SCML4: variants seen among roughly 807,000 people sequenced by gnomAD.
The protein encoded by SCML4 is sex comb on midleg-like protein 4.
In SCML4, 34 loss-of-function variants were observed where a neutral mutation model predicts 41.1. That is an observed-to-expected ratio of 0.83 (90% CI 0.63 to 1.10). SCML4 has a LOEUF of 1.10. Ranked by LOEUF, SCML4 falls within the 50% of genes least tolerant of loss-of-function variation. The probability of loss-of-function intolerance (pLI) is 0.00; values close to 1 mark genes in which losing one functional copy is unlikely to be tolerated. For synonymous variants in SCML4, 214 were observed against 220.9 expected (o/e 0.97, Z 0.28); for missense variants, 522 against 534.1 (o/e 0.98, Z 0.22).
At chr6:107,801,574 T>A (rs897844191) in intron 1 of SCML4, among the ~76,000 whole-genome samples, 7 of 152,192 alleles carry the variant, frequency 4.6e-5, no homozygotes, top group Non-Finnish European at 7.3e-5. Context: ...TTTTAATTTC[T>A]CCAGGTTTTT....
At chr6:107,723,008 C>A (rs544260078) in intron 5 of SCML4, among the ~76,000 whole-genome samples, 83 of 151,518 alleles carry the variant, frequency 5.5e-4, no homozygotes, top group Middle Eastern at 6.8e-3. Context: ...AAAGAACCAA[C>A]AAAATTGCAA....
intron 1 of SCML4, among the ~76,000 whole-genome samples, chr6:107,780,984 C>T (rs1011394581): frequency 1.3e-5 from 2 of 151,384 alleles, no homozygotes; most frequent in Non-Finnish European, 2.9e-5. Context: ...ATTCAAAAGA[C>T]TTAAATAAGG....
intron 1 of SCML4, 30 bp from the exon 2 acceptor site, chr6:107,772,416 C>A: frequency 7.9e-7 from 1 of 1,271,728 alleles, no homozygotes; most frequent in Non-Finnish European, 1.1e-6. Flanking sequence ...CAAAGCAAAA[C>A]AAAAACAGAA....
intron 5 of SCML4, among the ~76,000 whole-genome samples, chr6:107,739,813 T>C (rs1191837534): frequency 6.6e-6 from 1 of 152,190 alleles, no homozygotes; most frequent in African/African-American, 2.4e-5. Context: ...TGTCTTACTC[T>C]AAAGGCAAAC....
At chr6:107,750,155 T>G (rs1247444524) in intron 2 of SCML4, among the ~76,000 whole-genome samples, 1 of 152,216 alleles carries the variant, frequency 6.6e-6, no homozygotes, top group African/African-American at 2.4e-5. Context: ...CTGCAGCCCA[T>G]GTGTTCCCTA....
At chr6:107,747,545 A>C (rs2114500627) in intron 3 of SCML4, among the ~76,000 whole-genome samples, 1 of 151,292 alleles carries the variant, frequency 6.6e-6, no homozygotes, top group Admixed American at 6.6e-5. Flanking sequence ...TAACTGTATT[A>C]ATGTATTGGG....
chr6:107,740,909 C>A (rs1464320010), intron 5 of SCML4, among the ~76,000 whole-genome samples: 2 of 152,172 alleles, frequency 1.3e-5, no homozygotes, highest in South Asian at 2.1e-4. Context: ...CTCCTCCTTC[C>A]CCCATCCACT....
At chr6:107,796,283 C>A (rs1318105320) in intron 1 of SCML4, among the ~76,000 whole-genome samples, 1 of 152,098 alleles carries the variant, frequency 6.6e-6, no homozygotes, top group Non-Finnish European at 1.5e-5. Context: ...TCACTCCCAG[C>A]AATGTAAGAG....
intron 1 of SCML4, among the ~76,000 whole-genome samples, chr6:107,788,181 A>G (rs561171741): frequency 4.6e-5 from 7 of 152,336 alleles, no homozygotes; most frequent in Admixed American, 1.3e-4. Flanking sequence ...TGCTTCCCCA[A>G]TAGACAAGGA....
chr6:107,702,772 G>A lies in SCML4; in HGVS notation c.*2428C>T, dbSNP rs1257292083. 6.6e-6 allele frequency among the ~76,000 whole-genome samples: 1 copy of A among 152,170 alleles called. No individual in the cohort carries two copies. The highest frequency in any genetic ancestry group is 1.5e-5 in the Non-Finnish European group (1 of 68,034). ...GCCTGATTCAAGGTACTTTTCTCAG[G>A]TGCTGAACCTGTCAGAGGCATTTGA... On this transcript the variant is annotated 3_prime_UTR_variant, in exon 8 of 8. Transcript: ENST00000369020.
intron 6 of SCML4, among the ~76,000 whole-genome samples, chr6:107,715,435 T>A (rs1004190121): frequency 1.3e-5 from 2 of 150,884 alleles, no homozygotes; most frequent in Admixed American, 6.6e-5. Flanking sequence ...CAGGAGGCAT[T>A]TGGGTTGTAA....
At chr6:107,712,379 T>G (rs1026080521) in intron 6 of SCML4, among the ~76,000 whole-genome samples, 1 of 152,232 alleles carries the variant, frequency 6.6e-6, no homozygotes, top group South Asian at 2.1e-4. Flanking sequence ...TTGAGCTAGG[T>G]CAGGGAAACA....
chr6:107,832,576 A>G, the SCML4 span, among the ~76,000 whole-genome samples: 2 of 152,200 alleles, frequency 1.3e-5, no homozygotes, highest in African/African-American at 4.8e-5. Flanking sequence ...GGATATGCTG[A>G]CTGGCTTAAT....
intron 5 of SCML4, among the ~76,000 whole-genome samples, chr6:107,736,942 C>T (rs1777131117): frequency 6.6e-6 from 1 of 152,218 alleles, no homozygotes; most frequent in South Asian, 2.1e-4. Flanking sequence ...CAAAAGTAAA[C>T]AATCTGTCCC....
At chr6:107,804,837 G>T (rs1783602192) in intron 1 of SCML4, among the ~76,000 whole-genome samples, 1 of 152,180 alleles carries the variant, frequency 6.6e-6, no homozygotes, top group South Asian at 2.1e-4. Flanking sequence ...AGGCGTGATG[G>T]TGTGCCCCTG....
chr6:107,744,171 C>T (rs1777845919), intron 5 of SCML4: 1 of 152,218 alleles, frequency 6.6e-6, no homozygotes, highest in Non-Finnish European at 1.5e-5. Context: ...TTCTACCCAT[C>T]CTTGAGATTC....
intron 5 of SCML4, among the ~76,000 whole-genome samples, chr6:107,721,857 C>CA (rs1178610600): frequency 2.0e-5 from 3 of 152,178 alleles, no homozygotes; most frequent in Non-Finnish European, 2.9e-5. Flanking sequence ...GATAGCCCCA[C>CA]AATCCTCCCC....
chr6:107,828,462 G>C (rs1404480823), upstream of SCML4, among the ~76,000 whole-genome samples: 2 of 152,216 alleles, frequency 1.3e-5, no homozygotes, highest in African/African-American at 4.8e-5. Flanking sequence ...TTGTGATTAT[G>C]GATATGGCCA....
chr6:107,814,697 T>C (rs1313125980), intron 1 of SCML4, among the ~76,000 whole-genome samples: 1 of 152,118 alleles, frequency 6.6e-6, no homozygotes, highest in Non-Finnish European at 1.5e-5. Flanking sequence ...GGATTACAGG[T>C]GTGTGCCACC....
Sources: allele counts gnomAD v4.1 joint callset (sites outside exome capture counted in the v4.1 genomes callset), GRCh38; gene constraint gnomAD v4.1.1; transcripts MANE v1.5; gene names NCBI Gene and HGNC (gene_info 2026-07-23, HGNC 2026-07-21).